The following MAST4 variants were observed in gnomAD, a reference collection of about 807,000 sequenced individuals.
MAST4 encodes microtubule-associated serine/threonine-protein kinase 4.
MAST4 carries 89 observed loss-of-function variants against 162.7 expected under a neutral mutation model. That is an observed-to-expected ratio of 0.55 (90% CI 0.46 to 0.65). MAST4 has a LOEUF of 0.65. MAST4 is among the 30% of genes least tolerant of loss of function. The pLI is 0.00. For synonymous variants in MAST4, 1,479 were observed against 1,361.1 expected, an observed-to-expected ratio of 1.09 and a Z score of -1.91; for missense variants, 3,153 against 3,374.0, an observed-to-expected ratio of 0.93 and a Z score of 1.62.
At chr5:67,061,107 A>AC (rs1759520170) in intron 5 of MAST4, among the ~76,000 whole-genome samples, 1 of 152,106 alleles carries the variant, frequency 6.6e-6, no homozygotes, top group African/African-American at 2.4e-5. Context: ...CTTGGAGATA[A>AC]CCCCTATTAC....
intron 1 of MAST4, among the ~76,000 whole-genome samples, chr5:66,718,808 C>A (rs148825097): frequency 6.6e-6 from 1 of 152,290 alleles, no homozygotes; most frequent in Non-Finnish European, 1.5e-5. Flanking sequence ...TGTTCCCTCT[C>A]GAGCTATTCC....
At chr5:66,675,179 T>C (rs1226292485) in intron 1 of MAST4, among the ~76,000 whole-genome samples, 1 of 152,238 alleles carries the variant, frequency 6.6e-6, no homozygotes, top group Non-Finnish European at 1.5e-5. Flanking sequence ...GTCTGTGCTC[T>C]AGCTGCCTGT....
intron 13 of MAST4, among the ~76,000 whole-genome samples, chr5:67,119,158 A>G (rs1294523634): frequency 6.6e-6 from 1 of 152,138 alleles, no homozygotes; most frequent in Non-Finnish European, 1.5e-5. Context: ...TTTAAGAGCA[A>G]TGGGAAATGA....
rs900108566 is a variant in MAST4, at chr5:66,925,648, G to A, written c.674+25666G>A. On this transcript the variant is annotated intron_variant, in intron 4 of 28. Coordinates refer to ENST00000403625, the MANE Select transcript of MAST4 (RefSeq NM_001164664.2). The stretch of plus-strand genomic sequence containing the variant: ...CAGGATATATCATTAATGTAACTTT[G>A]TATATGCTGTCCTGCTGGAGTGGAG... Among the ~76,000 whole-genome samples, 9 of 152,240 alleles carry A rather than the reference G, an allele frequency of 5.9e-5. No individual in the cohort carries two copies. The East Asian group carries it at 1.5e-3, about 26-fold the overall frequency.
intron 4 of MAST4, among the ~76,000 whole-genome samples, chr5:67,051,894 T>C (rs1758231724): frequency 6.6e-6 from 1 of 152,174 alleles, no homozygotes; most frequent in South Asian, 2.1e-4. Context: ...CATTTGATGT[T>C]TAAAAGTTTT....
At chr5:66,978,047 TA>T (rs1312661448) in intron 4 of MAST4, among the ~76,000 whole-genome samples, 4 of 152,264 alleles carry the variant, frequency 2.6e-5, no homozygotes, top group Non-Finnish European at 4.4e-5. Flanking sequence ...CATAAATTTT[TA>T]TATTGATTGC....
At chr5:66,670,754 A>G (rs1747555497) in intron 1 of MAST4, among the ~76,000 whole-genome samples, 1 of 146,124 alleles carries the variant, frequency 6.8e-6, no homozygotes, top group Non-Finnish European at 1.5e-5. Flanking sequence ...AGTAAGCATG[A>G]TTTTTTTTTT....
intron 3 of MAST4, among the ~76,000 whole-genome samples, chr5:66,820,728 A>T (rs1467704373): frequency 1.3e-5 from 2 of 152,198 alleles, no homozygotes; most frequent in African/African-American, 4.8e-5. Flanking sequence ...GCTATATTTC[A>T]TATGTATATA....
At chr5:67,065,065 C>T (rs995768490) in intron 5 of MAST4, among the ~76,000 whole-genome samples, 13 of 151,914 alleles carry the variant, frequency 8.6e-5, no homozygotes, top group African/African-American at 1.9e-4. Context: ...GTATAAATGA[C>T]AATGTATTAG....
chr5:66,986,545 T>C, intron 4 of MAST4: 1 of 1,402,096 alleles, frequency 7.1e-7, no homozygotes, highest in South Asian at 1.4e-5. Context: ...TTCCAGTACT[T>C]TCTCTCTGTC....
intron 1 of MAST4, among the ~76,000 whole-genome samples, chr5:66,600,798 T>C (rs1329910435): frequency 6.6e-6 from 1 of 152,220 alleles, no homozygotes; most frequent in Non-Finnish European, 1.5e-5. Flanking sequence ...GACTTGTATA[T>C]TAACTGTTAC....
intron 4 of MAST4, chr5:66,963,808 G>T (rs1353682602): frequency 1.3e-6 from 1 of 779,298 alleles, no homozygotes; most frequent in Non-Finnish European, 2.4e-6. Context: ...TCCAGGGCCT[G>T]CCCAGGGCTG....
intron 3 of MAST4, among the ~76,000 whole-genome samples, chr5:66,864,241 T>A (rs1760326113): frequency 2.0e-5 from 3 of 152,158 alleles, no homozygotes; most frequent in African/African-American, 7.2e-5. Flanking sequence ...CATCCCTCTT[T>A]TAGAGGAGGG....
At chr5:67,138,466 C>T (rs1694866606) in intron 19 of MAST4, among the ~76,000 whole-genome samples, 1 of 152,124 alleles carries the variant, frequency 6.6e-6, no homozygotes, top group Non-Finnish European at 1.5e-5. Context: ...TGGCATCTCA[C>T]TCTGTCACCC....
At chr5:66,824,571 A>C (rs927266645) in intron 3 of MAST4, among the ~76,000 whole-genome samples, 2 of 152,246 alleles carry the variant, frequency 1.3e-5, no homozygotes, top group African/African-American at 2.4e-5. Flanking sequence ...AATGGGTAAC[A>C]TCGGAAGATT....
chr5:66,705,461 A>G (rs753383338), intron 1 of MAST4, among the ~76,000 whole-genome samples: 1 of 152,232 alleles, frequency 6.6e-6, no homozygotes, highest in African/African-American at 2.4e-5. Context: ...AGCCAAATAT[A>G]TAATTATACA....
At chr5:66,711,742 G>A (rs1262250999) in intron 1 of MAST4, among the ~76,000 whole-genome samples, 2 of 152,152 alleles carry the variant, frequency 1.3e-5, no homozygotes, top group African/African-American at 4.8e-5. Context: ...GGCTGATGCA[G>A]GAGAATTGCT....
intron 1 of MAST4, among the ~76,000 whole-genome samples, chr5:66,608,355 C>CTTTTTTTTT (rs72272071): frequency 2.5e-4 from 11 of 44,414 alleles, no homozygotes; most frequent in African/African-American, 1.0e-3. Flanking sequence ...TGTGCCTGGC[C>CTTTTTTTTT]TTTTTTTTTT....
chr5:66,876,172 G>A (rs898115255), intron 3 of MAST4, among the ~76,000 whole-genome samples: 1 of 152,256 alleles, frequency 6.6e-6, no homozygotes, highest in East Asian at 1.9e-4. Context: ...CCAGAGTGTC[G>A]TTTAACTGGC....
Sources: gnomAD v4.1 joint callset for allele counts (sites outside exome capture counted in the v4.1 genomes callset) on GRCh38, gnomAD v4.1.1 for gene constraint, MANE v1.5 for transcripts, NCBI Gene and HGNC (gene_info 2026-07-23, HGNC 2026-07-21) for gene names.